CHCHD3: variants seen among roughly 807,000 people sequenced by gnomAD.
CHCHD3 encodes coiled-coil-helix-coiled-coil-helix domain containing 3.
A neutral mutation model predicts 38.2 loss-of-function variants in CHCHD3; 20 were observed. That is an observed-to-expected ratio of 0.52 (90% CI 0.37 to 0.76). The LOEUF is 0.76. Ranked by LOEUF, CHCHD3 falls within the 30% of genes least tolerant of loss-of-function variation. The pLI, the probability that CHCHD3 is intolerant of heterozygous loss-of-function variation, is 0.00. For synonymous variants in CHCHD3, 82 were observed against 100.0 expected (o/e 0.82, Z 1.07); for missense variants, 245 against 279.2 (o/e 0.88, Z 0.87).
chr7:132,909,976 G>A (rs1809901899), intron 4 of CHCHD3, among the ~76,000 whole-genome samples: 1 of 152,182 alleles, frequency 6.6e-6, no homozygotes, highest in Non-Finnish European at 1.5e-5. Flanking sequence ...TGAAAAACTG[G>A]TACCAAGCAT....
At chr7:132,969,590 T>C (rs1461750099) in intron 4 of CHCHD3, among the ~76,000 whole-genome samples, 2 of 152,242 alleles carry the variant, frequency 1.3e-5, no homozygotes, top group African/African-American at 4.8e-5. Flanking sequence ...TGCTTGTAGT[T>C]AGGCTTGACA....
intron 3 of CHCHD3, among the ~76,000 whole-genome samples, chr7:133,016,443 T>G (rs752487750): frequency 2.6e-5 from 4 of 152,172 alleles, no homozygotes; most frequent in Non-Finnish European, 4.4e-5. Context: ...CAAAGACAAA[T>G]GACAACTGCT....
At chr7:133,042,630 T>C (rs544090589) in intron 2 of CHCHD3, among the ~76,000 whole-genome samples, 4 of 152,316 alleles carry the variant, frequency 2.6e-5, no homozygotes, top group East Asian at 1.9e-4. Context: ...AATCACTCTC[T>C]GATGCAGAAA....
intron 4 of CHCHD3, among the ~76,000 whole-genome samples, chr7:132,971,471 T>G (rs148783933): frequency 8.5e-5 from 13 of 152,310 alleles, no homozygotes; most frequent in Admixed American, 8.5e-4. Context: ...TCTGATCCTA[T>G]TTTAAAACTT....
intron 4 of CHCHD3, among the ~76,000 whole-genome samples, chr7:132,922,318 A>G (rs1177214526): frequency 1.3e-5 from 2 of 152,204 alleles, no homozygotes; most frequent in Non-Finnish European, 2.9e-5. Context: ...GTTCATAGGC[A>G]TTAAATGTGA....
intron 3 of CHCHD3, among the ~76,000 whole-genome samples, chr7:133,014,575 GC>G (rs1240751374): frequency 6.6e-6 from 1 of 151,250 alleles, no homozygotes; most frequent in Non-Finnish European, 1.5e-5. Context: ...CATACAAAAG[GC>G]AAATAAATAC....
intron 3 of CHCHD3, among the ~76,000 whole-genome samples, chr7:132,981,530 T>G (rs1304427059): frequency 6.6e-6 from 1 of 152,272 alleles, no homozygotes. Flanking sequence ...TTAAAATTTG[T>G]GTATACTACA....
chr7:133,063,032 C>T (rs1320693149), intron 2 of CHCHD3, among the ~76,000 whole-genome samples: 2 of 152,220 alleles, frequency 1.3e-5, no homozygotes, highest in Non-Finnish European at 2.9e-5. Context: ...CATTCTCTCT[C>T]CCACTGCAGC....
intron 3 of CHCHD3, among the ~76,000 whole-genome samples, chr7:132,999,348 G>A (rs1812505789): frequency 6.6e-6 from 1 of 152,096 alleles, no homozygotes; most frequent in African/African-American, 2.4e-5. Flanking sequence ...TGATTATTGT[G>A]GAATCCAATT....
chr7:133,079,537 T>C (rs375596090), intron 1 of CHCHD3, among the ~76,000 whole-genome samples: 6 of 152,326 alleles, frequency 3.9e-5, no homozygotes, highest in Non-Finnish European at 7.4e-5. Context: ...AAATCTACAA[T>C]GTGCCAGGTG....
At position 132,868,721 on chromosome 7, in the gene CHCHD3, GT is replaced by G. The variant is rs560269776; in HGVS notation, c.453+16940del. 3.3e-5 allele frequency among the ~76,000 whole-genome samples: 5 copies of G among 152,196 alleles called. No homozygotes were observed. In the South Asian group the frequency reaches 1.0e-3, roughly 32 times the overall value. ...TTGCCAAAGCCAAGACCCCAGAATT[GT>G]TTTGTGCCTCTGGAATAGAATCCAA... is the stretch of plus-strand genomic sequence containing the variant. On this transcript the variant is annotated intron_variant, in intron 5 of 7. Transcript: ENST00000262570.
intron 3 of CHCHD3, among the ~76,000 whole-genome samples, chr7:133,020,998 C>T (rs1043077309): frequency 6.6e-6 from 1 of 152,028 alleles, no homozygotes; most frequent in African/African-American, 2.4e-5. Context: ...AGGACTGTCA[C>T]GTGCATTACA....
At chr7:132,892,060 C>G (rs1218687808) in intron 4 of CHCHD3, among the ~76,000 whole-genome samples, 1 of 152,124 alleles carries the variant, frequency 6.6e-6, no homozygotes, top group African/African-American at 2.4e-5. Context: ...ATACAGTTAA[C>G]TGGTACCAAG....
chr7:132,929,745 A>G (rs1810471681), intron 4 of CHCHD3, among the ~76,000 whole-genome samples: 1 of 152,190 alleles, frequency 6.6e-6, no homozygotes, highest in Admixed American at 6.5e-5. Flanking sequence ...GACCAGGGCT[A>G]TGGTGGGCCC....
At chr7:132,918,775 C>T (rs193185098) in intron 4 of CHCHD3, among the ~76,000 whole-genome samples, 8 of 152,130 alleles carry the variant, frequency 5.3e-5, no homozygotes, top group African/African-American at 1.9e-4. Context: ...CAAAGCATTC[C>T]TCTTATTTTT....
Position 132,855,158 on chromosome 7 carries a change from T to C in CHCHD3, c.454-16689A>G, listed in dbSNP as rs1808315548. Among the ~76,000 whole-genome samples, 4 of 152,314 alleles carry C rather than the reference T, an allele frequency of 2.6e-5. No homozygotes were observed. In the South Asian group the frequency reaches 6.2e-4, roughly 24 times the overall value. On this transcript the variant is annotated intron_variant, in intron 5 of 7. Transcript: ENST00000262570. Reference sequence around the variant, plus strand: ...TCCCTAAGTCCAGAGCTAGAAGGCCTTAGGTCTTGAGGTTTAAAATATTAT... The same window carrying C: ...TCCCTAAGTCCAGAGCTAGAAGGCCCTAGGTCTTGAGGTTTAAAATATTAT...
At chr7:132,901,947 G>T (rs1314779355) in intron 4 of CHCHD3, among the ~76,000 whole-genome samples, 1 of 152,108 alleles carries the variant, frequency 6.6e-6, no homozygotes, top group Non-Finnish European at 1.5e-5. Context: ...TTCTTCTAGG[G>T]TTTTTATGGT....
chr7:133,046,584 G>A (rs894712544), intron 2 of CHCHD3, among the ~76,000 whole-genome samples: 31 of 204 alleles, frequency 0.15, no homozygotes, highest in Admixed American at 0.34. Flanking sequence ...GGGGGGAGAC[G>A]GAGTCTCCCT....
At chr7:132,798,968 C>T (rs1285370479) in intron 6 of CHCHD3, among the ~76,000 whole-genome samples, 5 of 151,852 alleles carry the variant, frequency 3.3e-5, no homozygotes, top group Non-Finnish European at 7.4e-5. Flanking sequence ...CAATACTACT[C>T]ACTTCCAGGG....
Sources: gnomAD v4.1 joint callset for allele counts (sites outside exome capture counted in the v4.1 genomes callset) on GRCh38, gnomAD v4.1.1 for gene constraint, MANE v1.5 for transcripts, NCBI Gene and HGNC (gene_info 2026-07-23, HGNC 2026-07-21) for gene names.